The following FMNL2 variants were observed in gnomAD, a reference collection of about 807,000 sequenced individuals.
FMNL2 encodes the protein formin like 2, also known as formin-like protein 2.
A neutral mutation model predicts 130.2 loss-of-function variants in FMNL2; 51 were observed. The observed-to-expected ratio is 0.39, with a 90% CI of 0.31 to 0.49. The LOEUF is 0.49. Among genes scored for constraint, FMNL2 ranks in the 20% least tolerant of loss-of-function variants. FMNL2 has a pLI of 0.85. For synonymous variants in FMNL2, 465 were observed against 467.1 expected (o/e 1.00, Z 0.06); for missense variants, 977 against 1,316.2 (o/e 0.74, Z 3.99).
chr2:152,521,290 T>C (rs1392972232), intron 1 of FMNL2, among the ~76,000 whole-genome samples: 1 of 152,080 alleles, frequency 6.6e-6, no homozygotes, highest in Admixed American at 6.6e-5. Flanking sequence ...AAGAGGAGGG[T>C]TTATACGAGT....
chr2:152,614,442 C>T (rs761528714), intron 11 of FMNL2, among the ~76,000 whole-genome samples: 6 of 152,122 alleles, frequency 3.9e-5, no homozygotes, highest in African/African-American at 1.2e-4. Flanking sequence ...GACTATTTGT[C>T]GAAAAGAAAA....
chr2:152,397,054 A>G (rs552948733), intron 1 of FMNL2, among the ~76,000 whole-genome samples: 3 of 152,314 alleles, frequency 2.0e-5, no homozygotes, highest in East Asian at 3.9e-4. Context: ...TAAAATTGCA[A>G]TTAGCATTAT....
intron 1 of FMNL2, among the ~76,000 whole-genome samples, chr2:152,384,524 G>A (rs1321399729): frequency 6.6e-6 from 1 of 152,190 alleles, no homozygotes; most frequent in East Asian, 1.9e-4. Context: ...GAGAGGGCAG[G>A]AGAGTACTCT....
chr2:152,562,903 A>G (rs965087629), intron 6 of FMNL2, among the ~76,000 whole-genome samples: 46 of 152,230 alleles, frequency 3.0e-4, no homozygotes, highest in Non-Finnish European at 7.3e-5. Flanking sequence ...TTGGTTTTCT[A>G]TCATTGGACA....
chr2:152,545,419 T>TA (rs992420297), intron 3 of FMNL2, among the ~76,000 whole-genome samples: 5 of 151,818 alleles, frequency 3.3e-5, no homozygotes, highest in African/African-American at 9.7e-5. Flanking sequence ...TTGCTTTTTT[T>TA]AAAAAAAAAT....
chr2:152,419,945 A>C (rs529880315), intron 1 of FMNL2, among the ~76,000 whole-genome samples: 1 of 152,214 alleles, frequency 6.6e-6, no homozygotes, highest in Non-Finnish European at 1.5e-5. Flanking sequence ...AGACAGCAAA[A>C]TCATCCAATT....
At chr2:152,579,697 C>G (rs1696672493) in intron 8 of FMNL2, among the ~76,000 whole-genome samples, 1 of 151,936 alleles carries the variant, frequency 6.6e-6, no homozygotes, top group Non-Finnish European at 1.5e-5. Flanking sequence ...GACTCTGTCT[C>G]AAAAAATAAA....
At chr2:152,436,791 C>T (rs570585242) in intron 1 of FMNL2, among the ~76,000 whole-genome samples, 1 of 152,172 alleles carries the variant, frequency 6.6e-6, no homozygotes, top group South Asian at 2.1e-4. Flanking sequence ...GCGGAAAGCT[C>T]CTCTCCAGTG....
At chr2:152,511,273 TGGTTCCCACCAA>T (rs1650743524) in intron 1 of FMNL2, among the ~76,000 whole-genome samples, 1 of 152,262 alleles carries the variant, frequency 6.6e-6, no homozygotes, top group Non-Finnish European at 1.5e-5. Context: ...TGATTATAAC[TGGTTCCCACCAA>T]GGTAATCCAG....
chr2:152,642,723 C>T (rs550720538), intron 25 of FMNL2, among the ~76,000 whole-genome samples: 17 of 152,252 alleles, frequency 1.1e-4, no homozygotes, highest in Non-Finnish European at 2.1e-4. Context: ...CTTGGAGTTC[C>T]TGGCTGGGCG....
chr2:152,463,754 A>G (rs1229049436), intron 1 of FMNL2, among the ~76,000 whole-genome samples: 1 of 152,216 alleles, frequency 6.6e-6, no homozygotes, highest in East Asian at 1.9e-4. Context: ...TTTTTCTAAT[A>G]GGTATCCTAG....
intron 16 of FMNL2, among the ~76,000 whole-genome samples, chr2:152,625,828 A>G (rs1321232658): frequency 2.1e-4 from 32 of 152,162 alleles, no homozygotes; most frequent in Admixed American, 2.0e-3. Context: ...ATCTGACATA[A>G]TAATTCCTTC....
intron 1 of FMNL2, among the ~76,000 whole-genome samples, chr2:152,350,829 GAGGTC>G (rs1560287983): frequency 6.6e-6 from 1 of 152,188 alleles, no homozygotes. Flanking sequence ...CAGATCACTT[GAGGTC>G]AGGACTTCGA....
chr2:152,581,629 G>A (rs973124271), intron 9 of FMNL2, among the ~76,000 whole-genome samples: 18 of 152,236 alleles, frequency 1.2e-4, no homozygotes, highest in Admixed American at 2.6e-4. Flanking sequence ...AAACATCACC[G>A]CCGCGGGCCC....
At chr2:152,390,175 C>G (rs1457360531) in intron 1 of FMNL2, 22 of 1,295,602 alleles carry the variant, frequency 1.7e-5, no homozygotes, top group Non-Finnish European at 2.4e-5. Context: ...CAGAGCCTGT[C>G]GGAGCTGGAC....
intron 20 of FMNL2, among the ~76,000 whole-genome samples, 187 bp from the exon 21 acceptor site, chr2:152,631,821 C>T (rs1001848760): frequency 3.3e-5 from 5 of 152,104 alleles, no homozygotes; most frequent in African/African-American, 1.2e-4. Flanking sequence ...GTCCTTGAGC[C>T]AGTTAAGCAT....
intron 1 of FMNL2, among the ~76,000 whole-genome samples, chr2:152,360,687 A>C (rs952547311): frequency 6.6e-6 from 1 of 152,224 alleles, no homozygotes; most frequent in Non-Finnish European, 1.5e-5. Context: ...GGAAATCAAA[A>C]CAAGCTTCAT....
chr2:152,351,903 A>G (rs1682508211), intron 1 of FMNL2, among the ~76,000 whole-genome samples: 1 of 152,200 alleles, frequency 6.6e-6, no homozygotes, highest in African/African-American at 2.4e-5. Flanking sequence ...AACTGGCATG[A>G]GGTGGTATCT....
intron 24 of FMNL2, 142 bp from the exon 25 acceptor site, chr2:152,640,649 T>G: frequency 2.8e-6 from 3 of 1,057,866 alleles, no homozygotes; most frequent in Non-Finnish European, 4.0e-6. Flanking sequence ...TTGAGTTCTC[T>G]GCAACTGAGC....
Sources: allele counts gnomAD v4.1 joint callset (sites outside exome capture counted in the v4.1 genomes callset), GRCh38; gene constraint gnomAD v4.1.1; transcripts MANE v1.5; gene names NCBI Gene and HGNC (gene_info 2026-07-23, HGNC 2026-07-21).